OPA1: variants seen among roughly 807,000 people sequenced by gnomAD.
The protein encoded by OPA1 is OPA1 mitochondrial dynamin like GTPase.
A neutral mutation model predicts 152.9 loss-of-function variants in OPA1; 59 were observed. The observed-to-expected ratio is 0.39, with a 90% CI of 0.31 to 0.48. OPA1 has a LOEUF of 0.48. OPA1 is among the 20% of genes least tolerant of loss of function. The pLI, the probability that OPA1 is intolerant of heterozygous loss-of-function variation, is 0.96. For synonymous variants in OPA1, 400 were observed against 389.9 expected (o/e 1.03, Z -0.31); for missense variants, 1,008 against 1,216.8 (o/e 0.83, Z 2.55).
At chr3:193,677,210 G>A (rs1719296172) in intron 29 of OPA1, among the ~76,000 whole-genome samples, 1 of 150,496 alleles carries the variant, frequency 6.6e-6, no homozygotes, top group Admixed American at 6.6e-5. Flanking sequence ...TCATTTTAAT[G>A]TAGGTTTTAC....
At chr3:193,672,791 C>G (rs570548152) in intron 29 of OPA1, among the ~76,000 whole-genome samples, 1 of 150,896 alleles carries the variant, frequency 6.6e-6, no homozygotes, top group Non-Finnish European at 1.5e-5. Flanking sequence ...ATCGCCTGAA[C>G]CCGGGAGGCA....
At chr3:193,612,193 A>G (rs1327549497) in intron 1 of OPA1, among the ~76,000 whole-genome samples, 1 of 151,298 alleles carries the variant, frequency 6.6e-6, no homozygotes, top group Non-Finnish European at 1.5e-5. Context: ...GTTTTAGACC[A>G]TGGAGTGAAA....
intron 7 of OPA1, among the ~76,000 whole-genome samples, chr3:193,630,563 C>T (rs1471035698): frequency 6.6e-6 from 1 of 152,086 alleles, no homozygotes; most frequent in African/African-American, 2.4e-5. Context: ...ATATTTGCTG[C>T]CATGATGTGT....
rs907240419 is a variant in OPA1, at chr3:193,643,147, T to C, written c.1305+98T>C. ...TAGGTATTGATGTTTAGATTGCTGC[T>C]ATCTAGATATGTAGAGCTTTTAAAA... On this transcript the variant is annotated intron_variant, in intron 13 of 30. Transcript: ENST00000361510. The C allele has an allele frequency of 7.9e-6, 8 of 1,017,130 alleles. No individual in the cohort carries two copies. In the African/African-American group the frequency reaches 1.1e-4, roughly 14 times the overall value. 63.0% of individuals were successfully genotyped at this position (1,017,130 alleles called of 1,614,324 possible).
chr3:193,669,655 T>A (rs916966773), intron 29 of OPA1, among the ~76,000 whole-genome samples: 1 of 152,244 alleles, frequency 6.6e-6, no homozygotes, highest in Non-Finnish European at 1.5e-5. Context: ...TATATTTCTT[T>A]TATATCCCTC....
rs189837623 is a variant in OPA1, at chr3:193,682,459, A to G, written c.2984-9604A>G. Among the ~76,000 whole-genome samples, 82 of 152,320 alleles carry G rather than the reference A, an allele frequency of 5.4e-4. 2 individuals carry two copies. The highest frequency in any genetic ancestry group is 1.3e-4 in the Non-Finnish European group (9 of 68,008). On this transcript the variant is annotated intron_variant, in intron 29 of 30. Coordinates refer to ENST00000361510, the MANE Select transcript of OPA1 (RefSeq NM_130837.3). ...AACAACAGATTCTTGATGCAGATGA[A>G]GTAGCTGTCTATTGGAAGACGATGC...
chr3:193,657,294 C>A, intron 23 of OPA1, 62 bp downstream of exon 23: 1 of 1,505,866 alleles, frequency 6.6e-7, no homozygotes, highest in Non-Finnish European at 9.2e-7. Flanking sequence ...CAAATTGATA[C>A]TTTTTCATAG....
At chr3:193,643,652 T>G (rs760563866) in intron 15 of OPA1, 25 bp downstream of exon 15, 12 of 1,547,558 alleles carry the variant, frequency 7.8e-6, no homozygotes, top group Non-Finnish European at 9.8e-6. Flanking sequence ...AAGATTTTAA[T>G]GTACTGATAT....
intron 28 of OPA1, 93 bp downstream of exon 28, chr3:193,666,482 A>C (rs1173517481): frequency 1.9e-6 from 2 of 1,041,346 alleles, no homozygotes; most frequent in Non-Finnish European, 3.0e-6. Flanking sequence ...AATACTTCCC[A>C]AAAGTAGATT....
intron 18 of OPA1, among the ~76,000 whole-genome samples, chr3:193,646,739 C>T (rs1293568728): frequency 6.6e-6 from 1 of 152,106 alleles, no homozygotes; most frequent in Non-Finnish European, 1.5e-5. Flanking sequence ...CGCCACTGCA[C>T]TCCAGCCCGG....
chr3:193,597,025 C>T (rs1020838420), intron 1 of OPA1: 10 of 152,206 alleles, frequency 6.6e-5, no homozygotes, highest in African/African-American at 1.2e-4. Flanking sequence ...TTTGGTTAAT[C>T]TCTCTAAATT....
intron 1 of OPA1, among the ~76,000 whole-genome samples, chr3:193,601,074 A>G (rs1726388464): frequency 6.6e-6 from 1 of 152,138 alleles, no homozygotes; most frequent in Non-Finnish European, 1.5e-5. Flanking sequence ...TTGAATATGT[A>G]TGTTGTCATG....
At chr3:193,621,109 G>A (rs528462954) in intron 6 of OPA1, among the ~76,000 whole-genome samples, 2 of 152,338 alleles carry the variant, frequency 1.3e-5, no homozygotes, top group Admixed American at 6.5e-5. Context: ...TGGTTGTCAG[G>A]TTTGTAACAA....
At chr3:193,690,216 T>C (rs1721479748) in intron 29 of OPA1, among the ~76,000 whole-genome samples, 1 of 151,986 alleles carries the variant, frequency 6.6e-6, no homozygotes, top group Non-Finnish European at 1.5e-5. Flanking sequence ...TTCTCTAGTT[T>C]AATTTTATAT....
At chr3:193,690,381 C>CCA (rs1721519490) in intron 29 of OPA1, among the ~76,000 whole-genome samples, 1 of 133,888 alleles carries the variant, frequency 7.5e-6, no homozygotes, top group Non-Finnish European at 1.5e-5. Flanking sequence ...AGTGCTTCAG[C>CCA]CAGGCATAGT....
chr3:193,634,263 G>A (rs1732574668), intron 8 of OPA1, among the ~76,000 whole-genome samples: 1 of 143,378 alleles, frequency 7.0e-6, no homozygotes, highest in Non-Finnish European at 1.5e-5. Context: ...CGGAAAATGT[G>A]TAGACAAGCA....
At position 193,695,012 on chromosome 3, in the gene OPA1, T is replaced by C. The variant is rs575836771; in HGVS notation, c.*412T>C. The C allele has an allele frequency of 3.4e-4, 52 of 152,350 alleles. 2 individuals carry two copies. The highest frequency in any genetic ancestry group is 1.9e-3 in the South Asian group (9 of 4,830). The allele number at this position is 152,350 out of a possible 1,614,324, so 9.4% of individuals were successfully genotyped here. ...TTTGAAATAAAACTTATATAGCAAT[T>C]GTTTAAAGTTATCAATTGTATATAA... On this transcript the variant is annotated 3_prime_UTR_variant, in exon 31 of 31. Coordinates refer to ENST00000361510, the MANE Select transcript of OPA1 (RefSeq NM_130837.3).
chr3:193,612,115 A>G (rs1267288693), intron 1 of OPA1, among the ~76,000 whole-genome samples: 1 of 152,120 alleles, frequency 6.6e-6, no homozygotes, highest in Non-Finnish European at 1.5e-5. Flanking sequence ...AGGATTCTAA[A>G]TTCCTCAGTA....
chr3:193,635,590 G>C (rs1732808635), intron 9 of OPA1, 68 bp downstream of exon 9: 1 of 887,594 alleles, frequency 1.1e-6, no homozygotes, highest in African/African-American at 1.6e-5. Context: ...ATCAGTACCA[G>C]TTTCTAAGGA....
Sources: gnomAD v4.1 joint callset for allele counts (sites outside exome capture counted in the v4.1 genomes callset) on GRCh38, gnomAD v4.1.1 for gene constraint, MANE v1.5 for transcripts, NCBI Gene and HGNC (gene_info 2026-07-23, HGNC 2026-07-21) for gene names.